VWA5B2: variants seen among roughly 807,000 people sequenced by gnomAD.
VWA5B2 encodes the protein von Willebrand factor A domain-containing protein 5B2.
Under a neutral mutation model 118.5 loss-of-function variants are expected in VWA5B2, and 93 were observed. The observed-to-expected ratio is 0.79, with a 90% CI of 0.66 to 0.93. The LOEUF (loss-of-function observed/expected upper bound fraction) is 0.93. Ranked by LOEUF, VWA5B2 falls within the 40% of genes least tolerant of loss-of-function variation. VWA5B2 has a pLI of 0.00. For missense variants in VWA5B2, 1,546 were observed against 1,672.8 expected, an observed-to-expected ratio of 0.92 and a Z score of 1.32; for synonymous variants, 708 against 716.3, an observed-to-expected ratio of 0.99 and a Z score of 0.19.
At position 184,236,278 on chromosome 3, in the gene VWA5B2, G is replaced by A. The variant is rs1197566384; in HGVS notation, c.1212+16G>A. ...TTGCAGTGATGTGAGTGTGGTCCAG[G>A]GATCTGGGGGCCTTACAGAGAGGTT... On this transcript the variant is annotated intron_variant, in intron 9 of 19. Coordinates refer to ENST00000691901, the MANE Select transcript of VWA5B2 (RefSeq NM_001390846.1). The A allele has an allele frequency of 3.9e-6, 6 of 1,551,606 alleles. No homozygotes were observed. The Admixed American group carries it at 9.8e-5, about 25-fold the overall frequency.
intron 7 of VWA5B2, 188 bp downstream of exon 7, chr3:184,234,943 C>A: frequency 1.8e-6 from 2 of 1,117,246 alleles, no homozygotes; most frequent in Non-Finnish European, 2.5e-6. Context: ...GTGAATCTCT[C>A]TGGGGTGTGT....
At chr3:184,234,547 C>A in intron 6 of VWA5B2, 84 bp from the exon 7 acceptor site, 2 of 1,522,564 alleles carry the variant, frequency 1.3e-6, no homozygotes, top group Non-Finnish European at 1.8e-6. Flanking sequence ...GCTGGACCTG[C>A]AGGCTCCTCC....
chr3:184,241,739 C>A lies in VWA5B2; in HGVS notation c.3430C>A (p.Arg1144=). 6.7e-7 allele frequency: 1 copy of A among 1,488,288 alleles called. No homozygotes were observed. Among genetic ancestry groups the A allele is most frequent in the Non-Finnish European group, 8.9e-7 (1 of 1,121,972 alleles). 92.2% of individuals were successfully genotyped at this position (1,488,288 alleles called of 1,614,324 possible). The part of the protein sequence containing the change: ...SEGPGQVDSG[R]GSDTEASEGA... ...GGGGCCAGGCCAGGTGGACAGTGGG[C>A]GGGGCTCAGACACCGAGGCCTCCGA... Residue 1144 remains arginine (R), a synonymous_variant, in exon 20 of 20, where the codon CGG becomes AGG. Coordinates refer to ENST00000691901, the MANE Select transcript of VWA5B2 (RefSeq NM_001390846.1). The surrounding 1 kb of genome is among the most constrained non-coding windows in gnomAD (Gnocchi z 5.1).
chr3:184,234,380 T>C lies in VWA5B2; in HGVS notation c.803T>C (p.Ile268Thr), dbSNP rs778022639. The change falls in exon 6 of 20, where the codon ATC (isoleucine) becomes ACC (threonine). Residue 268 changes from isoleucine to threonine, a missense_variant. Around this residue, in one of 3 missense-constraint regions of VWA5B2, gnomAD observed 775 missense variants for 882.3 expected, o/e 0.88. Transcript: ENST00000691901. ...CACCACTGTGACCGGGCCTTGGAGA[T>C]CCTGCTGCACCCCAGTGGTGAGAGA... ...EGHHCDRALE[I>T]LLHPSEPHQP... 1.7e-5 allele frequency: 27 copies of C among 1,551,750 alleles called. No homozygotes were observed. Among genetic ancestry groups the C allele is most frequent in the Non-Finnish European group, 2.1e-5 (24 of 1,147,030 alleles).
Position 184,230,780 on chromosome 3 carries a change from T to TGGTGTCCGGCTTCGAGGCCGAGGC in VWA5B2, c.174_197dup (p.Val59_Ala66dup). On this transcript the variant is annotated inframe_insertion, in exon 3 of 20. Transcript: ENST00000691901. ...GTGTACCCGCTGGCCGAGGCCGAGG[T>TGGTGTCCGGCTTCGAGGCCGAGGC]GGTGTCCGGCTTCGAGGCCGAGGCC... 1 of 1,237,306 alleles carries TGGTGTCCGGCTTCGAGGCCGAGGC rather than the reference T, an allele frequency of 8.1e-7. No homozygotes were observed. Among genetic ancestry groups the TGGTGTCCGGCTTCGAGGCCGAGGC allele is most frequent in the Non-Finnish European group, 1.0e-6 (1 of 990,826 alleles). The allele number at this position is 1,237,306 out of a possible 1,614,324, so 76.6% of individuals were successfully genotyped here.
chr3:184,236,158 ATTG>A lies in VWA5B2; in HGVS notation c.1111_1113del (p.Val371del), dbSNP rs751723089. ...CCTCCCTGGCCCTCCACAGGATGCC[ATTG>A]TTTTGGCTGTGAAGTCCCTCCCGCC... On this transcript the variant is annotated inframe_deletion, in exon 9 of 20. Transcript: ENST00000691901. 3.9e-6 allele frequency: 6 copies of A among 1,551,408 alleles called. No homozygotes were observed. The South Asian group carries it at 7.1e-5, about 18-fold the overall frequency.
At position 184,237,142 on chromosome 3, in the gene VWA5B2, C is replaced by T; in HGVS notation, c.1534-84C>T. ...AGCTTAGGGGCTGGGCAGATGGCATCAGGGGAAGGGCAGCCTTCCTGCTCT... is the reference window on the plus strand; with the variant it reads ...AGCTTAGGGGCTGGGCAGATGGCATTAGGGGAAGGGCAGCCTTCCTGCTCT... On this transcript the variant is annotated intron_variant, in intron 11 of 19. Coordinates refer to ENST00000691901, the MANE Select transcript of VWA5B2 (RefSeq NM_001390846.1). This position sits in a 1 kb window ranked among gnomAD's most constrained non-coding sequence, Gnocchi z 5.6. 6.9e-7 allele frequency: 1 copy of T among 1,444,088 alleles called. No homozygotes were observed. Among genetic ancestry groups the T allele is most frequent in the Non-Finnish European group, 9.3e-7 (1 of 1,070,884 alleles). The allele number at this position is 1,444,088 out of a possible 1,614,324, so 89.5% of individuals were successfully genotyped here. A position where few individuals can be genotyped will look rare whatever the true frequency, so the allele number is the denominator to read the frequency against.
Position 184,233,543 on chromosome 3 carries a change from T to A in VWA5B2, c.531-33T>A. ...CCGGAGGGTTTAGGGGCCTTCACAG[T>A]GGCCCAGTGACCCTCCTCATGCTCC... On this transcript the variant is annotated intron_variant, in intron 4 of 19. Coordinates refer to ENST00000691901, the MANE Select transcript of VWA5B2 (RefSeq NM_001390846.1). This position sits in a 1 kb window ranked among gnomAD's most constrained non-coding sequence, Gnocchi z 5.2. 1 of 1,544,126 alleles carries A rather than the reference T, an allele frequency of 6.5e-7. No homozygotes were observed.
At position 184,238,782 on chromosome 3, in the gene VWA5B2, C is replaced by T; in HGVS notation, c.2111C>T (p.Pro704Leu). The change falls in exon 14 of 20, where the codon CCT (proline) becomes CTT (leucine). Residue 704 changes from proline (P) to leucine (L), a missense_variant. This residue lies in a region of VWA5B2 where 763 missense variants were observed against 766.6 expected (regional missense o/e 1.00). Transcript: ENST00000691901. This position sits in a 1 kb window ranked among gnomAD's most constrained non-coding sequence, Gnocchi z 5.0. Reference protein sequence around the residue: ...SPEGSAPLEPPSQQGCRSLAW... With the variant: ...SPEGSAPLEPLSQQGCRSLAW... ...GAAGGTAGTGCTCCCTTGGAGCCCC[C>T]TTCTCAGCAGGGCTGCCGCAGTCTG... 1 of 1,549,114 alleles carries T rather than the reference C, an allele frequency of 6.5e-7. No homozygotes were observed. The highest frequency in any genetic ancestry group is 8.7e-7 in the Non-Finnish European group (1 of 1,145,588).
chr3:184,233,046 T>C lies in VWA5B2; in HGVS notation c.311-132T>C. The C allele has an allele frequency of 1.4e-6, 1 of 719,150 alleles. No homozygotes were observed. The highest frequency in any genetic ancestry group is 2.3e-6 in the Non-Finnish European group (1 of 428,780). 44.5% of individuals were successfully genotyped at this position (719,150 alleles called of 1,614,324 possible). On this transcript the variant is annotated intron_variant, in intron 3 of 19. Transcript: ENST00000691901. The surrounding 1 kb of genome is among the most constrained non-coding windows in gnomAD (Gnocchi z 5.2). Reference sequence around the variant, plus strand: ...TCATGCCTCCATCCTGCGTCACCAATGCATTAGCCTAGTGCCAACACGCAA... The same window carrying C: ...TCATGCCTCCATCCTGCGTCACCAACGCATTAGCCTAGTGCCAACACGCAA...
At chr3:184,240,673 A>G (rs772004360) in intron 16 of VWA5B2, 118 bp from the exon 17 acceptor site, 233 of 1,391,948 alleles carry the variant, frequency 1.7e-4, no homozygotes, top group Non-Finnish European at 2.1e-4. Flanking sequence ...TAGCAAGGCA[A>G]TCTACTCTGT....
At position 184,237,160 on chromosome 3, in the gene VWA5B2, C is replaced by T; in HGVS notation, c.1534-66C>T. The T allele has an allele frequency of 6.6e-7, 1 of 1,507,318 alleles. No individual in the cohort carries two copies. The highest frequency in any genetic ancestry group is 2.5e-5 in the East Asian group (1 of 40,478). The allele number at this position is 1,507,318 out of a possible 1,614,324, so 93.4% of individuals were successfully genotyped here. A position where few individuals can be genotyped will look rare whatever the true frequency, so the allele number is the denominator to read the frequency against. Reference sequence around the variant, plus strand: ...ATGGCATCAGGGGAAGGGCAGCCTTCCTGCTCTGTCTGGCCGTATGACACC... The same window carrying T: ...ATGGCATCAGGGGAAGGGCAGCCTTTCTGCTCTGTCTGGCCGTATGACACC... On this transcript the variant is annotated intron_variant, in intron 11 of 19. Transcript: ENST00000691901. The surrounding 1 kb of genome is among the most constrained non-coding windows in gnomAD (Gnocchi z 5.6).
At position 184,236,762 on chromosome 3, in the gene VWA5B2, C is replaced by T. The variant is rs769446446; in HGVS notation, c.1533+13C>T. 142 of 1,504,556 alleles carry T rather than the reference C, an allele frequency of 9.4e-5. No individual in the cohort carries two copies. The highest frequency in any genetic ancestry group is 1.2e-4 in the Non-Finnish European group (136 of 1,122,294). 93.2% of individuals were successfully genotyped at this position (1,504,556 alleles called of 1,614,324 possible). A position where few individuals can be genotyped will look rare whatever the true frequency, so the allele number is the denominator to read the frequency against. On this transcript the variant is annotated intron_variant, in intron 11 of 19. Coordinates refer to ENST00000691901, the MANE Select transcript of VWA5B2 (RefSeq NM_001390846.1). ...GCTGCAGCCCATGGTGAGCTTGAGC[C>T]TGGGCCCTGTTCCCTACACCTGGAA...
chr3:184,234,452 G>A, intron 6 of VWA5B2, 55 bp downstream of exon 6: 1 of 1,545,144 alleles, frequency 6.5e-7, no homozygotes, highest in Non-Finnish European at 8.8e-7. Context: ...ACATGAATGG[G>A]GGAAGCATTT....
chr3:184,242,101 GGC>G lies in VWA5B2; in HGVS notation c.*64_*65del. ...ACACACTCAAGTCACTGCCGCCCAG[GGC>G]TGGCCTCTTGGTGCTGGGAAAGTGT... On this transcript the variant is annotated 3_prime_UTR_variant, in exon 20 of 20. Transcript: ENST00000691901. The G allele has an allele frequency of 3.9e-6, 6 of 1,526,790 alleles. No individual in the cohort carries two copies. The highest frequency in any genetic ancestry group is 5.3e-6 in the Non-Finnish European group (6 of 1,138,566). 94.6% of individuals were successfully genotyped at this position (1,526,790 alleles called of 1,614,324 possible).
In VWA5B2 at chr3:184,239,001, C is replaced by T. The variant is rs975063304; in HGVS notation, c.2202+128C>T. 20 of 1,036,836 alleles carry T rather than the reference C, an allele frequency of 1.9e-5. No homozygotes were observed. The highest frequency in any genetic ancestry group is 5.3e-5 in the East Asian group (2 of 37,644). 64.2% of individuals were successfully genotyped at this position (1,036,836 alleles called of 1,614,324 possible). ...GAGAGAAAGGTGGGTAAATCCCCAA[C>T]GATACCATGTAACAACCAGTGATGA... On this transcript the variant is annotated intron_variant, in intron 14 of 19. Coordinates refer to ENST00000691901, the MANE Select transcript of VWA5B2 (RefSeq NM_001390846.1). This position sits in a 1 kb window ranked among gnomAD's most constrained non-coding sequence, Gnocchi z 5.1.
chr3:184,237,120 T>C lies in VWA5B2; in HGVS notation c.1534-106T>C. 1 of 1,298,596 alleles carries C rather than the reference T, an allele frequency of 7.7e-7. No individual in the cohort carries two copies. The highest frequency in any genetic ancestry group is 1.1e-6 in the Non-Finnish European group (1 of 947,318). The allele number at this position is 1,298,596 out of a possible 1,614,324, so 80.4% of individuals were successfully genotyped here. ...CAGCCTGGCCCTGTGCCCCATCAGCTTAGGGGCTGGGCAGATGGCATCAGG... is the reference window on the plus strand; with the variant it reads ...CAGCCTGGCCCTGTGCCCCATCAGCCTAGGGGCTGGGCAGATGGCATCAGG... On this transcript the variant is annotated intron_variant, in intron 11 of 19. Coordinates refer to ENST00000691901, the MANE Select transcript of VWA5B2 (RefSeq NM_001390846.1). This position sits in a 1 kb window ranked among gnomAD's most constrained non-coding sequence, Gnocchi z 5.6.
chr3:184,241,664 G>A lies in VWA5B2; in HGVS notation c.3355G>A (p.Gly1119Ser), dbSNP rs1718685788. 3 of 1,533,316 alleles carry A rather than the reference G, an allele frequency of 2.0e-6. No homozygotes were observed. Among genetic ancestry groups the A allele is most frequent in the African/African-American group, 2.7e-5 (2 of 73,008 alleles). The allele number at this position is 1,533,316 out of a possible 1,614,324, so 95.0% of individuals were successfully genotyped here. The change falls in exon 20 of 20, where the codon GGT (glycine) becomes AGT (serine). Residue 1119 changes from glycine to serine, a missense_variant. Transcript: ENST00000691901. This position sits in a 1 kb window ranked among gnomAD's most constrained non-coding sequence, Gnocchi z 5.1. ...WALLGPGVGQ[G>S]DSATASCSPS... ...ACTTCTGGGCCCTGGTGTTGGCCAG[G>A]GTGACAGTGCCACGGCCTCCTGCAG...
Position 184,241,754 on chromosome 3 carries a change from G to T in VWA5B2, c.3445G>T (p.Glu1149Ter). Residue 1149 changes from glutamate (E) to a stop codon, truncating the protein, a stop_gained, in exon 20 of 20, where the codon GAG becomes TAG. Transcript: ENST00000691901. LOFTEE classifies it high-confidence loss of function. This position sits in a 1 kb window ranked among gnomAD's most constrained non-coding sequence, Gnocchi z 5.1. Reference protein sequence around the residue: ...QVDSGRGSDTEASEGAEGLGG... With the variant: ...QVDSGRGSDT ...GGACAGTGGGCGGGGCTCAGACACC[G>T]AGGCCTCCGAGGGGGCGGAAGGGCT... 3 of 1,481,540 alleles carry T rather than the reference G, an allele frequency of 2.0e-6. No homozygotes were observed. Among genetic ancestry groups the T allele is most frequent in the Non-Finnish European group, 2.7e-6 (3 of 1,118,792 alleles). 91.8% of individuals were successfully genotyped at this position (1,481,540 alleles called of 1,614,324 possible).
Sources: gnomAD v4.1 joint callset for allele counts on GRCh38, gnomAD v4.1.1 for gene constraint, gnomAD v4.1.1 regional missense constraint, Gnocchi (gnomAD v3.1) non-coding constraint, MANE v1.5 for transcripts, NCBI Gene and HGNC (gene_info 2026-07-23, HGNC 2026-07-21) for gene names.